Variants in NCAM1 observed in about 807,000 individuals in gnomAD.
The protein encoded by NCAM1 is antigen recognized by monoclonal antibody 5.1H11.
A neutral mutation model predicts 109.8 loss-of-function variants in NCAM1; 14 were observed. The observed-to-expected ratio is 0.13, with a 90% CI of 0.08 to 0.20. The LOEUF is 0.20. Among genes scored for constraint, NCAM1 ranks in the 10% least tolerant of loss-of-function variants. The pLI is 1.00. For synonymous variants in NCAM1, 418 were observed against 442.9 expected (o/e 0.94, Z 0.70); for missense variants, 774 against 1,109.9 (o/e 0.70, Z 4.30).
intron 1 of NCAM1, among the ~76,000 whole-genome samples, chr11:113,141,275 A>C (rs1209255943): frequency 6.6e-6 from 1 of 152,180 alleles, no homozygotes; most frequent in South Asian, 2.1e-4. Context: ...CCCTGGCATG[A>C]CATGCCATCC....
intron 11 of NCAM1, 40 bp downstream of exon 11, chr11:113,232,394 AG>A (rs782787813): frequency 6.4e-7 from 1 of 1,554,334 alleles, no homozygotes; most frequent in Non-Finnish European, 8.7e-7. Context: ...GAGAAAGCAC[AG>A]TTTGACTCTA....
At chr11:113,006,084 T>C (rs1334227630) in intron 1 of NCAM1, among the ~76,000 whole-genome samples, 2 of 152,188 alleles carry the variant, frequency 1.3e-5, no homozygotes, top group African/African-American at 2.4e-5. Flanking sequence ...TGTCCTTTTT[T>C]GGTTTCAAAA....
chr11:113,254,296 C>A (rs1945780687), intron 15 of NCAM1, among the ~76,000 whole-genome samples: 1 of 152,180 alleles, frequency 6.6e-6, no homozygotes, highest in South Asian at 2.1e-4. Context: ...CTTTTTATTC[C>A]TGTTTTTATT....
At chr11:112,971,226 TTCTCTCTC>T (rs137914370) in intron 1 of NCAM1, among the ~76,000 whole-genome samples, 1 of 149,290 alleles carries the variant, frequency 6.7e-6, no homozygotes, top group Non-Finnish European at 1.5e-5. Flanking sequence ...GTACTTCAAT[TTCTCTCTC>T]TCTCTCTCTC....
At chr11:113,237,084 C>T (rs989026814) in intron 14 of NCAM1, among the ~76,000 whole-genome samples, 2 of 152,108 alleles carry the variant, frequency 1.3e-5, no homozygotes, top group African/African-American at 4.8e-5. Flanking sequence ...GGGGAGATTC[C>T]CCACTGGAAG....
intron 1 of NCAM1, among the ~76,000 whole-genome samples, chr11:113,074,753 C>T (rs372601982): frequency 3.9e-5 from 6 of 151,980 alleles, no homozygotes; most frequent in African/African-American, 1.4e-4. Flanking sequence ...TGCCTCAGCC[C>T]CCCAAATAGC....
At chr11:113,005,724 C>T (rs149899210) in intron 1 of NCAM1, among the ~76,000 whole-genome samples, 4 of 152,284 alleles carry the variant, frequency 2.6e-5, no homozygotes, top group East Asian at 1.9e-4. Context: ...TCAGACAATG[C>T]ATCTATTTTC....
At chr11:112,987,935 A>G (rs1206896470) in intron 1 of NCAM1, among the ~76,000 whole-genome samples, 2 of 151,856 alleles carry the variant, frequency 1.3e-5, no homozygotes, top group African/African-American at 4.8e-5. Context: ...ATGCCATTTT[A>G]TTTGTTTTGT....
chr11:112,984,088 A>C (rs1555069204), intron 1 of NCAM1, among the ~76,000 whole-genome samples: 1 of 151,894 alleles, frequency 6.6e-6, no homozygotes, highest in African/African-American at 2.4e-5. Flanking sequence ...GGTAACCACC[A>C]TTCTACTCTG....
chr11:113,070,197 G>A (rs1043355928), intron 1 of NCAM1, among the ~76,000 whole-genome samples: 23 of 152,072 alleles, frequency 1.5e-4, no homozygotes, highest in African/African-American at 5.6e-4. Flanking sequence ...GGTGCTGAAT[G>A]ACGTGATTAT....
At chr11:113,141,812 T>C (rs1555100495) in intron 1 of NCAM1, among the ~76,000 whole-genome samples, 1 of 152,228 alleles carries the variant, frequency 6.6e-6, no homozygotes, top group Non-Finnish European at 1.5e-5. Context: ...GTATATCAGT[T>C]GTCTGCAATT....
chr11:113,119,884 TACA>T (rs1940884469), intron 1 of NCAM1, among the ~76,000 whole-genome samples: 1 of 152,212 alleles, frequency 6.6e-6, no homozygotes, highest in East Asian at 1.9e-4. Flanking sequence ...TGTCTGGGGT[TACA>T]TTTACCAGGG....
chr11:113,226,879 C>T (rs1482030922), intron 9 of NCAM1, among the ~76,000 whole-genome samples: 1 of 152,074 alleles, frequency 6.6e-6, no homozygotes, highest in Non-Finnish European at 1.5e-5. Flanking sequence ...TCTTTGAAAC[C>T]AATGAGAACA....
intron 1 of NCAM1, among the ~76,000 whole-genome samples, chr11:112,972,920 A>G (rs1037371624): frequency 3.9e-5 from 6 of 152,118 alleles, no homozygotes; most frequent in African/African-American, 7.2e-5. Context: ...GCATTGAACT[A>G]TGCATCACCA....
chr11:113,237,914 A>G (rs1945215496), intron 14 of NCAM1, among the ~76,000 whole-genome samples: 1 of 57,642 alleles, frequency 1.7e-5, no homozygotes. Context: ...AGATATATAT[A>G]GATATATAGA....
chr11:113,120,610 G>A (rs1382725868), intron 1 of NCAM1, among the ~76,000 whole-genome samples: 1 of 152,154 alleles, frequency 6.6e-6, no homozygotes, highest in Non-Finnish European at 1.5e-5. Flanking sequence ...GATGGAATCA[G>A]TGAAAGAGGC....
At chr11:113,218,484 A>G (rs1165974104) in intron 8 of NCAM1, among the ~76,000 whole-genome samples, 2 of 152,190 alleles carry the variant, frequency 1.3e-5, no homozygotes, top group Non-Finnish European at 2.9e-5. Flanking sequence ...TTCTTAAGGG[A>G]AGAGGTGGAA....
intron 1 of NCAM1, among the ~76,000 whole-genome samples, chr11:113,024,650 T>G (rs1555076865): frequency 1.3e-5 from 2 of 152,166 alleles, no homozygotes; most frequent in African/African-American, 4.8e-5. Flanking sequence ...GTTTATATTT[T>G]TAGCAGTAAA....
chr11:113,210,560 C>G (rs563021906), intron 7 of NCAM1, among the ~76,000 whole-genome samples: 33 of 152,096 alleles, frequency 2.2e-4, no homozygotes, highest in Admixed American at 2.0e-3. Flanking sequence ...CAACTCAGCC[C>G]TGACTTGGCT....
Sources: gnomAD v4.1 joint callset for allele counts (sites outside exome capture counted in the v4.1 genomes callset) on GRCh38, gnomAD v4.1.1 for gene constraint, MANE v1.5 for transcripts, NCBI Gene and HGNC (gene_info 2026-07-23, HGNC 2026-07-21) for gene names.